MTMR12: variants seen among roughly 807,000 people sequenced by gnomAD.
MTMR12 encodes the protein myotubularin-related protein 12.
MTMR12 carries 33 observed loss-of-function variants against 96.7 expected under a neutral mutation model. That is an observed-to-expected ratio of 0.34 (90% CI 0.26 to 0.46). MTMR12 has a LOEUF of 0.46. Ranked by LOEUF, MTMR12 falls within the 20% of genes least tolerant of loss-of-function variation. The pLI, the probability that MTMR12 is intolerant of heterozygous loss-of-function variation, is 1.00. For synonymous variants in MTMR12, 298 were observed against 327.2 expected, an observed-to-expected ratio of 0.91 and a Z score of 0.96; for missense variants, 721 against 896.1, an observed-to-expected ratio of 0.80 and a Z score of 2.49.
At position 32,229,653 on chromosome 5, in the gene MTMR12, C is replaced by CA; in HGVS notation, c.*124dup. The stretch of plus-strand genomic sequence containing the variant: ...AGAGCCACCTCTTTTCCCGAAGGCC[C>CA]AGGTTTATTCTAACGGAGTGCCGGG... On this transcript the variant is annotated 3_prime_UTR_variant, in exon 16 of 16. Coordinates refer to ENST00000382142, the MANE Select transcript of MTMR12 (RefSeq NM_001040446.3). The CA allele has an allele frequency of 1.2e-6, 1 of 859,348 alleles. No individual in the cohort carries two copies. The highest frequency in any genetic ancestry group is 1.6e-6 in the Non-Finnish European group (1 of 611,274). The allele number at this position is 859,348 out of a possible 1,614,324, so 53.2% of individuals were successfully genotyped here. A position where few individuals can be genotyped will look rare whatever the true frequency, so the allele number is the denominator to read the frequency against.
At chr5:32,256,683 A>G (rs1749151652) in intron 7 of MTMR12, among the ~76,000 whole-genome samples, 1 of 152,228 alleles carries the variant, frequency 6.6e-6, no homozygotes, top group Non-Finnish European at 1.5e-5. Flanking sequence ...AAAGCCTCAC[A>G]AGAAATAAGG....
chr5:32,255,979 G>T, intron 7 of MTMR12: 1 of 378,362 alleles, frequency 2.6e-6, no homozygotes, highest in Non-Finnish European at 4.9e-6. Context: ...TCAAACTGTG[G>T]CTCTGCCTGC....
intron 13 of MTMR12, among the ~76,000 whole-genome samples, chr5:32,236,602 G>C (rs1379395861): frequency 3.3e-5 from 5 of 151,982 alleles, no homozygotes; most frequent in Non-Finnish European, 7.4e-5. Context: ...AGCATTTTGG[G>C]AGGCTGACAT....
intron 13 of MTMR12, among the ~76,000 whole-genome samples, 163 bp downstream of exon 13, chr5:32,238,838 G>GT (rs1748342629): frequency 6.6e-6 from 1 of 152,150 alleles, no homozygotes; most frequent in South Asian, 2.1e-4. Flanking sequence ...ATTATTTAAA[G>GT]TATCCAAAGT....
At chr5:32,237,947 A>G (rs1748302861) in intron 13 of MTMR12, among the ~76,000 whole-genome samples, 1 of 151,684 alleles carries the variant, frequency 6.6e-6, no homozygotes, top group South Asian at 2.1e-4. Context: ...GTTCAAGACC[A>G]GCCTGGCCAA....
intron 1 of MTMR12, among the ~76,000 whole-genome samples, chr5:32,294,687 G>A: frequency 6.6e-6 from 1 of 152,242 alleles, no homozygotes; most frequent in East Asian, 1.9e-4. Flanking sequence ...GGCTGAGGCT[G>A]TACCTTTATG....
intron 1 of MTMR12, among the ~76,000 whole-genome samples, chr5:32,304,952 C>G (rs193032414): frequency 1.3e-5 from 2 of 152,182 alleles, no homozygotes; most frequent in South Asian, 4.1e-4. Context: ...GTGACCATCT[C>G]TGGAGAGACC....
At chr5:32,235,346 A>G (rs1748175668) in intron 13 of MTMR12, among the ~76,000 whole-genome samples, 1 of 152,244 alleles carries the variant, frequency 6.6e-6, no homozygotes, top group African/African-American at 2.4e-5. Flanking sequence ...AAGACATTTC[A>G]AAGACGAAAT....
At chr5:32,292,845 G>C (rs952836847) in intron 1 of MTMR12, among the ~76,000 whole-genome samples, 1 of 152,218 alleles carries the variant, frequency 6.6e-6, no homozygotes, top group African/African-American at 2.4e-5. Flanking sequence ...ATCAATACCA[G>C]CTACGACCAC....
Position 32,312,735 on chromosome 5 carries a change from C to G in MTMR12, c.81+23G>C. 1 of 1,494,638 alleles carries G rather than the reference C, an allele frequency of 6.7e-7. No individual in the cohort carries two copies. The allele number at this position is 1,494,638 out of a possible 1,614,324, so 92.6% of individuals were successfully genotyped here. On this transcript the variant is annotated intron_variant, in intron 1 of 15. Transcript: ENST00000382142. The surrounding 1 kb of genome is among the most constrained non-coding windows in gnomAD (Gnocchi z 5.0). ...GCCCCGGCCGCCCCTGCCCGACGCC[C>G]CGCCTGCGCGGCGCCCCCTCACCTC...
chr5:32,309,242 T>C (rs1751484212), intron 1 of MTMR12, among the ~76,000 whole-genome samples: 1 of 152,214 alleles, frequency 6.6e-6, no homozygotes, highest in Non-Finnish European at 1.5e-5. Flanking sequence ...GACTTTCCAC[T>C]TGTAGTTTAA....
At position 32,233,288 on chromosome 5, in the gene MTMR12, A is replaced by C. The variant is rs1748072464; in HGVS notation, c.1674+485T>G. Among the ~76,000 whole-genome samples the C allele has an allele frequency of 6.6e-6, 1 of 152,016 alleles. No individual in the cohort carries two copies. The highest frequency in any genetic ancestry group is 2.4e-5 in the African/African-American group (1 of 41,360). On this transcript the variant is annotated intron_variant, in intron 15 of 15. Transcript: ENST00000382142. This position sits in a 1 kb window ranked among gnomAD's most constrained non-coding sequence, Gnocchi z 5.0. ...CAGACTAAGGCTTCTTTTGTACTAC[A>C]ACAGTAGAGGGGTAGTTGTGACAGA...
intron 1 of MTMR12, among the ~76,000 whole-genome samples, chr5:32,281,248 TA>T (rs72123716): frequency 1.7e-3 from 187 of 107,430 alleles, no homozygotes; most frequent in Middle Eastern, 6.3e-3. Flanking sequence ...ACTCTATCAT[TA>T]AAAAAAAAAA....
intron 1 of MTMR12, among the ~76,000 whole-genome samples, chr5:32,301,888 A>AT (rs1298288163): frequency 6.6e-6 from 1 of 152,180 alleles, no homozygotes; most frequent in Non-Finnish European, 1.5e-5. Context: ...AAAAATAATA[A>AT]TAAAAATAAA....
Position 32,248,762 on chromosome 5 carries a change from T to C in MTMR12, c.896+10A>G, listed in dbSNP as rs945406550. Reference sequence around the variant, plus strand: ...ACTGAACAAGAACAAAATGTAGAACTAGTACTGACCCATCTAAGAAGCTCT... The same window carrying C: ...ACTGAACAAGAACAAAATGTAGAACCAGTACTGACCCATCTAAGAAGCTCT... On this transcript the variant is annotated intron_variant, in intron 9 of 15. Transcript: ENST00000382142. The C allele has an allele frequency of 3.1e-6, 5 of 1,604,470 alleles. No homozygotes were observed. Among genetic ancestry groups the C allele is most frequent in the Non-Finnish European group, 4.3e-6 (5 of 1,171,218 alleles).
At chr5:32,245,828 AG>A (rs1467945692) in intron 10 of MTMR12, among the ~76,000 whole-genome samples, 4 of 151,636 alleles carry the variant, frequency 2.6e-5, no homozygotes, top group African/African-American at 9.7e-5. Context: ...AATTTGTCTC[AG>A]AAAAAAAAAA....
rs1236932657 is a variant in MTMR12 at position 32,234,956 on chromosome 5, T to C, written c.1512+6A>G. The C allele has an allele frequency of 6.2e-7, 1 of 1,609,358 alleles. No homozygotes were observed. Among genetic ancestry groups the C allele is most frequent in the African/African-American group, 1.3e-5 (1 of 74,710 alleles). The stretch of plus-strand genomic sequence containing the variant: ...TAATACACAGGTTCCTAAGAGGGAC[T>C]CTTACCATGTTAGTATCTTTTTGAT... On this transcript the variant is annotated splice_donor_region_variant and intron_variant, in intron 14 of 15. Coordinates refer to ENST00000382142, the MANE Select transcript of MTMR12 (RefSeq NM_001040446.3).
chr5:32,282,095 G>A (rs1395892497), intron 1 of MTMR12, among the ~76,000 whole-genome samples: 1 of 151,866 alleles, frequency 6.6e-6, no homozygotes, highest in Non-Finnish European at 1.5e-5. Flanking sequence ...ATCATCACGA[G>A]CATCAGGCTG....
At chr5:32,235,234 G>T in intron 13 of MTMR12, 105 bp from the exon 14 acceptor site, 1 of 1,035,708 alleles carries the variant, frequency 9.7e-7, no homozygotes, top group Non-Finnish European at 1.4e-6. Flanking sequence ...CACTTCTGAG[G>T]ACTTCATTCT....
Sources: gnomAD v4.1 joint callset for allele counts (sites outside exome capture counted in the v4.1 genomes callset) on GRCh38, gnomAD v4.1.1 for gene constraint, Gnocchi (gnomAD v3.1) non-coding constraint, MANE v1.5 for transcripts, NCBI Gene and HGNC (gene_info 2026-07-23, HGNC 2026-07-21) for gene names.